The following CADM1 variants were observed in gnomAD, a reference collection of about 807,000 sequenced individuals.
CADM1 encodes the protein TSLC-1.
A neutral mutation model predicts 53.1 loss-of-function variants in CADM1; 15 were observed. The observed-to-expected ratio is 0.28, with a 90% CI of 0.19 to 0.44. CADM1 has a LOEUF of 0.44. Among genes scored for constraint, CADM1 ranks in the 20% least tolerant of loss-of-function variants. The pLI is 1.00. For missense variants in CADM1, 434 were observed against 611.3 expected (o/e 0.71, Z 3.06); for synonymous variants, 281 against 243.0 (o/e 1.16, Z -1.45).
At chr11:115,468,978 C>T (rs752336423) in intron 1 of CADM1, among the ~76,000 whole-genome samples, 2 of 152,088 alleles carry the variant, frequency 1.3e-5, no homozygotes, top group Non-Finnish European at 2.9e-5. Context: ...GATTTATTCA[C>T]TATTAAAAGA....
chr11:115,185,720 C>A (rs1393973736), intron 10 of CADM1, among the ~76,000 whole-genome samples: 1 of 152,190 alleles, frequency 6.6e-6, no homozygotes, highest in Non-Finnish European at 1.5e-5. Flanking sequence ...GAAATGTGAT[C>A]ATCTTTTCCA....
chr11:115,219,387 A>C (rs1941317807), intron 5 of CADM1, among the ~76,000 whole-genome samples: 1 of 152,192 alleles, frequency 6.6e-6, no homozygotes, highest in African/African-American at 2.4e-5. Context: ...GTCTCTAAAA[A>C]TTACATGGCA....
intron 1 of CADM1, among the ~76,000 whole-genome samples, chr11:115,331,783 A>G (rs1009092866): frequency 6.6e-6 from 1 of 152,074 alleles, no homozygotes; most frequent in Non-Finnish European, 1.5e-5. Context: ...GGTATGAAGG[A>G]CCCAAATTTC....
intron 10 of CADM1, among the ~76,000 whole-genome samples, chr11:115,187,841 C>T (rs569070165): frequency 1.3e-5 from 2 of 152,198 alleles, no homozygotes; most frequent in African/African-American, 2.4e-5. Flanking sequence ...TGAGGGTTAG[C>T]AAAGCCATTT....
At chr11:115,490,738 A>C (rs1949477044) in intron 1 of CADM1, among the ~76,000 whole-genome samples, 1 of 152,162 alleles carries the variant, frequency 6.6e-6, no homozygotes, top group Non-Finnish European at 1.5e-5. Flanking sequence ...CTTGAATTTT[A>C]GGAAAATGCA....
intron 1 of CADM1, among the ~76,000 whole-genome samples, chr11:115,485,283 A>T (rs956515378): frequency 3.3e-5 from 5 of 152,156 alleles, no homozygotes; most frequent in African/African-American, 1.2e-4. Flanking sequence ...CTTAAGATTC[A>T]ACCTCTCTGC....
intron 1 of CADM1, chr11:115,377,288 T>G (rs1172368305): frequency 6.6e-6 from 1 of 152,140 alleles, no homozygotes; most frequent in Non-Finnish European, 1.5e-5. Context: ...TTCAAGTCAC[T>G]TGCAAATAAT....
chr11:115,211,016 C>T (rs956612164), intron 7 of CADM1, among the ~76,000 whole-genome samples: 3 of 148,980 alleles, frequency 2.0e-5, no homozygotes, highest in African/African-American at 7.3e-5. Flanking sequence ...AGCAGCCTCA[C>T]GTGAGTCCAA....
chr11:115,499,796 T>C (rs569253709), intron 1 of CADM1, among the ~76,000 whole-genome samples: 1 of 152,374 alleles, frequency 6.6e-6, no homozygotes, highest in East Asian at 1.9e-4. Flanking sequence ...TCCATGATTA[T>C]AAGAATCTCT....
chr11:115,426,976 A>G (rs1947908475), intron 1 of CADM1, among the ~76,000 whole-genome samples: 1 of 152,196 alleles, frequency 6.6e-6, no homozygotes, highest in African/African-American at 2.4e-5. Context: ...ACAGGAATAC[A>G]GGAGGATATA....
At chr11:115,428,780 C>CGT (rs45437796) in intron 1 of CADM1, among the ~76,000 whole-genome samples, 132 of 151,022 alleles carry the variant, frequency 8.7e-4, no homozygotes, top group African/African-American at 2.7e-3. Flanking sequence ...TGTGTGTGTG[C>CGT]GTGTGTGTGT....
At chr11:115,199,312 TC>T (rs1412144717) in intron 8 of CADM1, among the ~76,000 whole-genome samples, 1 of 152,182 alleles carries the variant, frequency 6.6e-6, no homozygotes, top group African/African-American at 2.4e-5. Flanking sequence ...GGGCTGGGAG[TC>T]CTGCTTTCAT....
intron 1 of CADM1, among the ~76,000 whole-genome samples, chr11:115,259,598 G>T (rs1942907206): frequency 6.6e-6 from 1 of 152,096 alleles, no homozygotes; most frequent in East Asian, 1.9e-4. Context: ...GAGCCACCAT[G>T]TCCAGCCAAC....
In CADM1 at chr11:115,358,900, C is replaced by T. The variant is rs147100684; in HGVS notation, c.125-118480G>A. Among the ~76,000 whole-genome samples the T allele has an allele frequency of 7.9e-5, 12 of 152,198 alleles. No homozygotes were observed. In the East Asian group the frequency reaches 2.3e-3, roughly 29 times the overall value. On this transcript the variant is annotated intron_variant, in intron 1 of 11. Transcript: ENST00000331581. ...AAAATACTATTTCCCTTATCATTCA[C>T]TGCTTCGCCCACCGAGTATTTCATA... is the stretch of plus-strand genomic sequence containing the variant.
At position 115,214,615 on chromosome 11, in the gene CADM1, A is replaced by G; in HGVS notation, c.987T>C (p.Tyr329=). 6.2e-7 allele frequency: 1 copy of G among 1,613,868 alleles called. No homozygotes were observed. Among genetic ancestry groups the G allele is most frequent in the South Asian group, 1.1e-5 (1 of 91,090 alleles). ...TTTTATCTTCTCACGTACCGTATACATACAGCATATAATCCGAGTGAGCTT... is the reference window on the plus strand; with the variant it reads ...TTTTATCTTCTCACGTACCGTATACGTACAGCATATAATCCGAGTGAGCTT... ...VGKAHSDYML[Y]VYDPPTTIPP... is the part of the protein sequence containing the mutation. Residue 329 remains tyrosine (Y), a synonymous_variant, in exon 7 of 12, where the codon TAT becomes TAC. Coordinates refer to ENST00000331581, the MANE Select transcript of CADM1 (RefSeq NM_001301043.2).
At chr11:115,479,725 T>G (rs1280544056) in intron 1 of CADM1, among the ~76,000 whole-genome samples, 1 of 152,176 alleles carries the variant, frequency 6.6e-6, no homozygotes, top group African/African-American at 2.4e-5. Context: ...ACAGTGATAA[T>G]TAATTAAGGT....
intron 1 of CADM1, among the ~76,000 whole-genome samples, chr11:115,350,508 T>TC (rs763049453): frequency 7.9e-6 from 1 of 126,636 alleles, no homozygotes; most frequent in Non-Finnish European, 1.9e-5. Flanking sequence ...ATTCTTTTTT[T>TC]CTTTTTTTTT....
chr11:115,248,948 A>G (rs1350270654), intron 1 of CADM1, among the ~76,000 whole-genome samples: 1 of 152,224 alleles, frequency 6.6e-6, no homozygotes, highest in Non-Finnish European at 1.5e-5. Context: ...TAATTAAACA[A>G]TAACTGCAGC....
chr11:115,427,836 T>C (rs1293152037), intron 1 of CADM1, among the ~76,000 whole-genome samples: 2 of 151,644 alleles, frequency 1.3e-5, no homozygotes, highest in African/African-American at 2.4e-5. Context: ...TGAAAGCCCA[T>C]CTCTACTAAA....
Sources: allele counts gnomAD v4.1 joint callset (sites outside exome capture counted in the v4.1 genomes callset), GRCh38; gene constraint gnomAD v4.1.1; transcripts MANE v1.5; gene names NCBI Gene and HGNC (gene_info 2026-07-23, HGNC 2026-07-21).